Variants in TEKT5 observed in about 807,000 individuals in gnomAD.
The protein encoded by TEKT5 is tektin 5.
TEKT5 carries 52 observed loss-of-function variants against 48.7 expected under a neutral mutation model. That is an observed-to-expected ratio of 1.07 (90% CI 0.86 to 1.35). The LOEUF (loss-of-function observed/expected upper bound fraction) is 1.35, where lower values mean the gene tolerates loss of function less well. Among genes scored for constraint, TEKT5 ranks in the 40% most tolerant of loss-of-function variants. The pLI is 0.00. For synonymous variants in TEKT5, 318 were observed against 267.6 expected, an observed-to-expected ratio of 1.19 and a Z score of -1.84; for missense variants, 831 against 641.6, an observed-to-expected ratio of 1.30 and a Z score of -3.19.
At chr16:10,662,171 G>T (rs1224249299) in intron 5 of TEKT5, among the ~76,000 whole-genome samples, 1 of 152,188 alleles carries the variant, frequency 6.6e-6, no homozygotes, top group African/African-American at 2.4e-5. Flanking sequence ...AGCATCCCTG[G>T]CCTCTACTCA....
chr16:10,644,161 C>T (rs890673400), intron 5 of TEKT5, among the ~76,000 whole-genome samples: 5 of 152,176 alleles, frequency 3.3e-5, no homozygotes, highest in Admixed American at 6.5e-5. Context: ...TGGCACTAGT[C>T]GAGACCCTGC....
intron 3 of TEKT5, among the ~76,000 whole-genome samples, chr16:10,686,253 A>G (rs1453274304): frequency 6.6e-6 from 1 of 152,176 alleles, no homozygotes; most frequent in African/African-American, 2.4e-5. Context: ...CCGAAGAATA[A>G]GTTAGAGCCC....
At chr16:10,651,075 G>A (rs533464846) in intron 5 of TEKT5, among the ~76,000 whole-genome samples, 1 of 152,286 alleles carries the variant, frequency 6.6e-6, no homozygotes, top group East Asian at 1.9e-4. Context: ...TCATGCTGAG[G>A]AGGAAGCCCA....
At chr16:10,633,595 T>C (rs2142256939) in intron 6 of TEKT5, among the ~76,000 whole-genome samples, 1 of 152,086 alleles carries the variant, frequency 6.6e-6, no homozygotes, top group East Asian at 1.9e-4. Flanking sequence ...CAGGATGGAG[T>C]GCAATGGCGC....
intron 4 of TEKT5, among the ~76,000 whole-genome samples, chr16:10,681,377 G>GTCTC (rs59484637): frequency 0.038 from 1,474 of 38,742 alleles, 12 homozygotes; most frequent in East Asian, 0.16. Flanking sequence ...TCCACTCTCT[G>GTCTC]TCTCTCTCTC....
At chr16:10,656,169 C>G (rs1046399225) in intron 5 of TEKT5, among the ~76,000 whole-genome samples, 3 of 152,218 alleles carry the variant, frequency 2.0e-5, no homozygotes, top group Non-Finnish European at 4.4e-5. Context: ...TCCAGTGTGA[C>G]AACCAAAATT....
At chr16:10,681,215 C>T (rs1396760771) in intron 4 of TEKT5, among the ~76,000 whole-genome samples, 1 of 152,118 alleles carries the variant, frequency 6.6e-6, no homozygotes, top group Admixed American at 6.6e-5. Context: ...ACTTCACACA[C>T]CCACCTTTTT....
chr16:10,635,259 C>T (rs1897897166), intron 6 of TEKT5, among the ~76,000 whole-genome samples: 1 of 149,208 alleles, frequency 6.7e-6, no homozygotes, highest in African/African-American at 2.5e-5. Context: ...CGTCAACAGA[C>T]ACCAGCCTCT....
intron 3 of TEKT5, among the ~76,000 whole-genome samples, chr16:10,683,647 G>A (rs895180134): frequency 2.6e-5 from 4 of 152,166 alleles, no homozygotes; most frequent in Non-Finnish European, 5.9e-5. Flanking sequence ...CTGGAGTGCA[G>A]TGGCACGATC....
intron 5 of TEKT5, among the ~76,000 whole-genome samples, chr16:10,652,131 G>A (rs975335697): frequency 6.6e-6 from 1 of 152,150 alleles, no homozygotes; most frequent in Non-Finnish European, 1.5e-5. Context: ...GTGAGGTTTA[G>A]TGAGACAATC....
intron 5 of TEKT5, among the ~76,000 whole-genome samples, chr16:10,654,831 A>G (rs1898229782): frequency 1.3e-5 from 2 of 151,262 alleles, no homozygotes; most frequent in Admixed American, 1.3e-4. Flanking sequence ...ACATTTCTAT[A>G]TATCGTATTG....
At chr16:10,667,380 C>A (rs1222266667) in intron 5 of TEKT5, among the ~76,000 whole-genome samples, 2 of 152,194 alleles carry the variant, frequency 1.3e-5, no homozygotes, top group Non-Finnish European at 2.9e-5. Context: ...ATACCAATCA[C>A]AGAATTTTAG....
In TEKT5 at chr16:10,636,903, G is replaced by GC. The variant is rs543531174; in HGVS notation, c.1087-986dup. Among the ~76,000 whole-genome samples, 5 of 151,106 alleles carry GC rather than the reference G, an allele frequency of 3.3e-5. No individual in the cohort carries two copies. The South Asian group carries it at 8.4e-4, about 25-fold the overall frequency. ...GTGATCTGGGCTCACTGCAAACTCCGCCCCCCAAGTTCAAGTGATTCTCCT... is the reference window on the plus strand; with the variant it reads ...GTGATCTGGGCTCACTGCAAACTCCGCCCCCCCAAGTTCAAGTGATTCTCCT... On this transcript the variant is annotated intron_variant, in intron 5 of 6. Transcript: ENST00000283025.
At chr16:10,633,422 G>C (rs988817267) in intron 6 of TEKT5, among the ~76,000 whole-genome samples, 1 of 152,126 alleles carries the variant, frequency 6.6e-6, no homozygotes, top group African/African-American at 2.4e-5. Flanking sequence ...GGAGGTACTG[G>C]GGTTCAGCCT....
chr16:10,673,859 C>T (rs1898593597), intron 5 of TEKT5, among the ~76,000 whole-genome samples: 1 of 151,856 alleles, frequency 6.6e-6, no homozygotes, highest in African/African-American at 2.4e-5. Context: ...ACTATCTTGG[C>T]CAGGCTGGTC....
At position 10,640,670 on chromosome 16, in the gene TEKT5, C is replaced by G. The variant is rs561657514; in HGVS notation, c.1087-4752G>C. Among the ~76,000 whole-genome samples, 12 of 152,314 alleles carry G rather than the reference C, an allele frequency of 7.9e-5. No homozygotes were observed. In the South Asian group the frequency reaches 2.3e-3, roughly 29 times the overall value. On this transcript the variant is annotated intron_variant, in intron 5 of 6. Transcript: ENST00000283025. ...AACCACTGATCATAGATAAACACTT[C>G]TGTCACGGTGCATTAGTTTGCCTTT... is the stretch of plus-strand genomic sequence containing the variant.
At chr16:10,666,170 A>G (rs1454912634) in intron 5 of TEKT5, among the ~76,000 whole-genome samples, 2 of 152,172 alleles carry the variant, frequency 1.3e-5, no homozygotes, top group Non-Finnish European at 2.9e-5. Context: ...CACGGGGAGT[A>G]GGCACAGTCC....
chr16:10,652,962 T>C (rs898257275), intron 5 of TEKT5, among the ~76,000 whole-genome samples: 2 of 151,316 alleles, frequency 1.3e-5, no homozygotes, highest in Admixed American at 6.6e-5. Context: ...CAATCTCTTA[T>C]ATACACAGGC....
At chr16:10,658,406 G>A (rs546347201) in intron 5 of TEKT5, among the ~76,000 whole-genome samples, 19 of 152,200 alleles carry the variant, frequency 1.2e-4, no homozygotes, top group South Asian at 4.2e-4. Context: ...ACTATCCAGC[G>A]GTAAAAAACA....
Sources: gnomAD v4.1 joint callset for allele counts (sites outside exome capture counted in the v4.1 genomes callset) on GRCh38, gnomAD v4.1.1 for gene constraint, MANE v1.5 for transcripts, NCBI Gene and HGNC (gene_info 2026-07-23, HGNC 2026-07-21) for gene names.